Variants in CACNA2D3 observed in about 807,000 individuals in gnomAD.
CACNA2D3 encodes calcium voltage-gated channel auxiliary subunit alpha2delta 3, also known as voltage-dependent calcium channel subunit alpha-2/delta-3.
In CACNA2D3, 60 loss-of-function variants were observed where a neutral mutation model predicts 160.6. The ratio of observed to expected loss-of-function variants is 0.37; its 90% CI spans 0.30 to 0.46. The LOEUF is 0.46. CACNA2D3 is among the 20% of genes least tolerant of loss of function. CACNA2D3 has a pLI of 1.00. For synonymous variants in CACNA2D3, 558 were observed against 492.9 expected (o/e 1.13, Z -1.75); for missense variants, 1,205 against 1,365.0 (o/e 0.88, Z 1.85).
At chr3:54,576,439 T>G (rs1386198242) in intron 8 of CACNA2D3, among the ~76,000 whole-genome samples, 1 of 152,196 alleles carries the variant, frequency 6.6e-6, no homozygotes, top group Non-Finnish European at 1.5e-5. Flanking sequence ...AAAGTTGTCT[T>G]TCCTATCTTA....
chr3:55,060,425 A>C (rs1011941111), intron 35 of CACNA2D3, among the ~76,000 whole-genome samples: 3 of 152,190 alleles, frequency 2.0e-5, no homozygotes, highest in Non-Finnish European at 2.9e-5. Flanking sequence ...AACAAAGGTT[A>C]GCATCAAGCA....
intron 4 of CACNA2D3, among the ~76,000 whole-genome samples, chr3:54,500,496 C>CCTAT: frequency 7.4e-6 from 1 of 135,332 alleles, no homozygotes; most frequent in South Asian, 2.4e-4. Flanking sequence ...TATCTTCCTT[C>CCTAT]CTTCCTATCT....
intron 2 of CACNA2D3, among the ~76,000 whole-genome samples, chr3:54,268,433 G>A (rs1290249084): frequency 6.6e-6 from 1 of 152,102 alleles, no homozygotes; most frequent in Admixed American, 6.5e-5. Flanking sequence ...TATTGAGATG[G>A]AGTTTCACTC....
At chr3:54,553,490 T>C (rs976091691) in intron 5 of CACNA2D3, among the ~76,000 whole-genome samples, 2 of 152,180 alleles carry the variant, frequency 1.3e-5, no homozygotes, top group Admixed American at 1.3e-4. Flanking sequence ...AAGACAGAGA[T>C]CCTTTCTCCA....
rs146802173 is a variant in CACNA2D3, at chr3:54,732,041, T to G, written c.1168-20558T>G. On this transcript the variant is annotated intron_variant, in intron 11 of 37. Coordinates refer to ENST00000474759, the MANE Select transcript of CACNA2D3 (RefSeq NM_018398.3). Reference sequence around the variant, plus strand: ...ATGTTTGTGGGTTGATGTTCACATGTCCTCATTCTGTTTTTTAAATCTCAT... The same window carrying G: ...ATGTTTGTGGGTTGATGTTCACATGGCCTCATTCTGTTTTTTAAATCTCAT... Among the ~76,000 whole-genome samples the G allele has an allele frequency of 1.1e-4, 16 of 152,330 alleles. No homozygotes were observed. In the East Asian group the frequency reaches 3.1e-3, roughly 29 times the overall value.
At chr3:54,627,718 A>C in intron 9 of CACNA2D3, 69 bp from the exon 10 acceptor site, 2 of 919,840 alleles carry the variant, frequency 2.2e-6, no homozygotes, top group South Asian at 1.4e-5. Flanking sequence ...GCGTACATCT[A>C]ATTCATTCAA....
At chr3:54,153,863 C>T (rs977709530) in intron 2 of CACNA2D3, among the ~76,000 whole-genome samples, 2 of 152,290 alleles carry the variant, frequency 1.3e-5, no homozygotes, top group Non-Finnish European at 2.9e-5. Context: ...CAATTCTTAA[C>T]CTTTTCTGCT....
At chr3:54,710,904 A>G (rs1357362488) in intron 11 of CACNA2D3, among the ~76,000 whole-genome samples, 1 of 152,220 alleles carries the variant, frequency 6.6e-6, no homozygotes, top group African/African-American at 2.4e-5. Context: ...TGAAAATGTT[A>G]AAAAGTCAGA....
chr3:54,878,105 C>T (rs74584070), intron 18 of CACNA2D3, among the ~76,000 whole-genome samples: 4,251 of 152,150 alleles, frequency 0.028, 74 homozygotes, highest in African/African-American at 0.052. Context: ...TAGACAGCCT[C>T]GAATCAAATT....
At chr3:54,269,725 G>A (rs929547883) in intron 2 of CACNA2D3, among the ~76,000 whole-genome samples, 5 of 152,160 alleles carry the variant, frequency 3.3e-5, no homozygotes, top group African/African-American at 9.7e-5. Context: ...GAGATGAATG[G>A]GAGTTATCTT....
chr3:54,855,074 C>T (rs900264388), intron 17 of CACNA2D3, among the ~76,000 whole-genome samples: 1 of 152,218 alleles, frequency 6.6e-6, no homozygotes, highest in Non-Finnish European at 1.5e-5. Flanking sequence ...TGCAGAGCCT[C>T]TGTCAGCCTC....
At chr3:54,354,908 G>T (rs1480877842) in intron 3 of CACNA2D3, among the ~76,000 whole-genome samples, 1 of 152,180 alleles carries the variant, frequency 6.6e-6, no homozygotes, top group East Asian at 1.9e-4. Flanking sequence ...CACCAGAAAG[G>T]AAAATGACTG....
At chr3:54,230,559 C>T (rs1184687781) in intron 2 of CACNA2D3, among the ~76,000 whole-genome samples, 17 of 152,122 alleles carry the variant, frequency 1.1e-4, no homozygotes, top group Admixed American at 1.1e-3. Flanking sequence ...CAGAGTTAGA[C>T]ACAGGGGATT....
chr3:54,874,644 A>G (rs1426588148), intron 18 of CACNA2D3: 1 of 152,118 alleles, frequency 6.6e-6, no homozygotes, highest in Non-Finnish European at 1.5e-5. Flanking sequence ...GAACCTATGA[A>G]ATGGGTGTTT....
chr3:55,065,465 A>G lies in CACNA2D3; in HGVS notation c.2988-7980A>G, dbSNP rs1007311911. Among the ~76,000 whole-genome samples the G allele has an allele frequency of 2.6e-5, 4 of 152,230 alleles. No homozygotes were observed. The South Asian group carries it at 6.2e-4, about 24-fold the overall frequency. On this transcript the variant is annotated intron_variant, in intron 35 of 37. Coordinates refer to ENST00000474759, the MANE Select transcript of CACNA2D3 (RefSeq NM_018398.3). ...TGTGAACACTGGTCAGGGCCTACCC[A>G]ACAAGAATGTCAGTATTCATGCAAA... is the stretch of plus-strand genomic sequence containing the variant.
chr3:54,771,338 A>G (rs921428244), intron 13 of CACNA2D3, among the ~76,000 whole-genome samples: 1 of 152,196 alleles, frequency 6.6e-6, no homozygotes, highest in Admixed American at 6.5e-5. Context: ...CAAGTGTATC[A>G]TCTCCAGGTT....
chr3:54,739,580 A>G (rs1046524759), intron 11 of CACNA2D3, among the ~76,000 whole-genome samples: 9 of 152,056 alleles, frequency 5.9e-5, no homozygotes, highest in Non-Finnish European at 8.8e-5. Context: ...CCAGTGCACT[A>G]TGCTTAGAAA....
At chr3:55,054,151 G>A (rs1277039598) in intron 35 of CACNA2D3, among the ~76,000 whole-genome samples, 2 of 151,650 alleles carry the variant, frequency 1.3e-5, no homozygotes, top group African/African-American at 4.8e-5. Context: ...CAGGTGTAGT[G>A]TACTTACCTT....
intron 30 of CACNA2D3, among the ~76,000 whole-genome samples, chr3:54,985,310 C>T (rs1702590538): frequency 6.6e-6 from 1 of 152,126 alleles, no homozygotes; most frequent in African/African-American, 2.4e-5. Flanking sequence ...TCCACTCTGC[C>T]TGGAAATCAA....
Sources: allele counts gnomAD v4.1 joint callset (sites outside exome capture counted in the v4.1 genomes callset), GRCh38; gene constraint gnomAD v4.1.1; transcripts MANE v1.5; gene names NCBI Gene and HGNC (gene_info 2026-07-23, HGNC 2026-07-21).